Variants in LRRD1 observed in about 807,000 individuals in gnomAD.
LRRD1 encodes leucine-rich repeat and death domain-containing protein 1.
Under a neutral mutation model 69.5 loss-of-function variants are expected in LRRD1, and 49 were observed. That is an observed-to-expected ratio of 0.70 (90% CI 0.56 to 0.89). The LOEUF (loss-of-function observed/expected upper bound fraction) is 0.89, where lower values mean the gene tolerates loss of function less well. Ranked by LOEUF, LRRD1 falls within the 40% of genes least tolerant of loss-of-function variation. The pLI, the probability that LRRD1 is intolerant of heterozygous loss-of-function variation, is 0.00. For missense variants in LRRD1, 853 were observed against 956.0 expected, an observed-to-expected ratio of 0.89 and a Z score of 1.42; for synonymous variants, 303 against 338.9, an observed-to-expected ratio of 0.89 and a Z score of 1.16.
At chr7:92,174,742 CTT>C (rs1382551557) in intron 1 of LRRD1, among the ~76,000 whole-genome samples, 2 of 150,194 alleles carry the variant, frequency 1.3e-5, no homozygotes, top group East Asian at 2.0e-4. Flanking sequence ...TTTAATAAAA[CTT>C]TAAGTTTTGA....
chr7:92,145,975 G>A, intron 5 of LRRD1, 108 bp downstream of exon 5: 1 of 589,216 alleles, frequency 1.7e-6, no homozygotes, highest in Non-Finnish European at 2.8e-6. Flanking sequence ...GCTTTCTACA[G>A]CAAAGTAGAG....
chr7:92,146,258 T>C (rs1036676467), intron 4 of LRRD1, 58 bp from the exon 5 acceptor site: 9 of 828,378 alleles, frequency 1.1e-5, no homozygotes, highest in Non-Finnish European at 1.7e-5. Flanking sequence ...CTATTTTGAG[T>C]TCATATTATA....
At chr7:92,177,492 C>T (rs935229129) in intron 1 of LRRD1, among the ~76,000 whole-genome samples, 14 of 152,152 alleles carry the variant, frequency 9.2e-5, no homozygotes, top group African/African-American at 3.4e-4. Flanking sequence ...GGAAATTCTA[C>T]ACATAATGCC....
At chr7:92,142,763 G>C (rs1179131926), downstream of LRRD1, 1 of 443,280 alleles carries the variant, frequency 2.3e-6, no homozygotes, top group Non-Finnish European at 4.5e-6. Context: ...AAGGCGGCGC[G>C]TCTGGAGTTG....
chr7:92,162,033 A>G (rs944935234), intron 2 of LRRD1, among the ~76,000 whole-genome samples: 2 of 152,176 alleles, frequency 1.3e-5, no homozygotes, highest in African/African-American at 2.4e-5. Flanking sequence ...AAAATGAATG[A>G]GATGGTTATG....
downstream of LRRD1, chr7:92,142,189 G>A (rs373644032): frequency 2.2e-4 from 56 of 258,826 alleles, 3 homozygotes; most frequent in South Asian, 2.1e-3. Context: ...TGATCTGCCC[G>A]TCTCAGCCTC....
chr7:92,169,824 T>A (rs1188670457), intron 1 of LRRD1, among the ~76,000 whole-genome samples: 2 of 151,722 alleles, frequency 1.3e-5, no homozygotes, highest in African/African-American at 4.8e-5. Context: ...ATCCCAGCAC[T>A]TTTGGGAGGT....
Position 92,175,540 on chromosome 7 carries a change from C to T in LRRD1, c.-75+3467G>A, listed in dbSNP as rs189041678. Among the ~76,000 whole-genome samples, 10 of 152,112 alleles carry T rather than the reference C, an allele frequency of 6.6e-5. No homozygotes were observed. The East Asian group carries it at 9.7e-4, about 15-fold the overall frequency. Reference sequence around the variant, plus strand: ...GCGCACGGCTGTAATCCCAGCTACTCGGGAGGCTGAGGCAGGAGAATCGCC... The same window carrying T: ...GCGCACGGCTGTAATCCCAGCTACTTGGGAGGCTGAGGCAGGAGAATCGCC... On this transcript the variant is annotated intron_variant, in intron 1 of 5. Coordinates refer to ENST00000458448, the MANE Select transcript of LRRD1 (RefSeq NM_001161528.2).
chr7:92,154,933 T>A (rs1377498841), intron 3 of LRRD1, among the ~76,000 whole-genome samples: 1 of 152,220 alleles, frequency 6.6e-6, no homozygotes, highest in Admixed American at 6.5e-5. Flanking sequence ...ACAAATTTAA[T>A]GCCTTTTCCT....
chr7:92,177,946 T>G (rs1327731826), intron 1 of LRRD1, among the ~76,000 whole-genome samples: 2 of 152,222 alleles, frequency 1.3e-5, no homozygotes, highest in Non-Finnish European at 2.9e-5. Flanking sequence ...TGAAATAAAA[T>G]ATTATTTGAA....
At chr7:92,171,490 T>A (rs1475934045) in intron 1 of LRRD1, among the ~76,000 whole-genome samples, 1 of 152,046 alleles carries the variant, frequency 6.6e-6, no homozygotes, top group Non-Finnish European at 1.5e-5. Flanking sequence ...AATAGAACAC[T>A]TCAACAAACC....
chr7:92,157,669 A>G (rs1398729925), intron 3 of LRRD1, among the ~76,000 whole-genome samples: 2 of 151,786 alleles, frequency 1.3e-5, no homozygotes, highest in Non-Finnish European at 2.9e-5. Flanking sequence ...TCCTGGGTCT[A>G]AGCGATTCTC....
In LRRD1 at chr7:92,145,047, G is replaced by C; in HGVS notation, c.2424C>G (p.His808Gln). The change falls in exon 6 of 6, where the codon CAC becomes CAG. Residue 808 changes from histidine to glutamine, a missense_variant. Physicochemically the swap from His to Gln is conservative, Grantham distance 24 (BLOSUM62 0). This residue lies in a region of LRRD1 where 739 missense variants were observed against 808.0 expected (regional missense o/e 0.91). Transcript: ENST00000458448. ...GTGTTTTCCATATAACAAGTGCTTGGTGGGCTCTCTCACTTAATGAAACAG... is the reference window on the plus strand; with the variant it reads ...GTGTTTTCCATATAACAAGTGCTTGCTGGGCTCTCTCACTTAATGAAACAG... Reference protein sequence around the residue: ...KSTVSLSERAHQALVIWKTQS... With the variant: ...KSTVSLSERAQQALVIWKTQS... 6.7e-7 allele frequency: 1 copy of C among 1,502,996 alleles called. No homozygotes were observed. The highest frequency in any genetic ancestry group is 8.9e-7 in the Non-Finnish European group (1 of 1,119,128). The allele number at this position is 1,502,996 out of a possible 1,614,324, so 93.1% of individuals were successfully genotyped here.
At chr7:92,158,123 T>C (rs1239116846) in intron 3 of LRRD1, among the ~76,000 whole-genome samples, 1 of 152,154 alleles carries the variant, frequency 6.6e-6, no homozygotes, top group Non-Finnish European at 1.5e-5. Flanking sequence ...TCCCACATTA[T>C]ACCAAGGTTG....
At chr7:92,162,061 A>G (rs1002949328) in intron 2 of LRRD1, among the ~76,000 whole-genome samples, 1 of 152,242 alleles carries the variant, frequency 6.6e-6, no homozygotes, top group African/African-American at 2.4e-5. Context: ...CAATGAATTA[A>G]CTGATTATTA....
intron 1 of LRRD1, among the ~76,000 whole-genome samples, chr7:92,175,276 T>C (rs1789167339): frequency 6.6e-6 from 1 of 152,142 alleles, no homozygotes; most frequent in Admixed American, 6.6e-5. Flanking sequence ...CCTTAAGAAA[T>C]TCTTCTACAT....
chr7:92,142,430 T>C (rs1220743946), downstream of LRRD1: 3 of 456,692 alleles, frequency 6.6e-6, no homozygotes, highest in Admixed American at 4.7e-5. Context: ...ACACTGTGCA[T>C]GATATACCAA....
intron 1 of LRRD1, among the ~76,000 whole-genome samples, chr7:92,178,469 G>C (rs1290126473): frequency 6.6e-6 from 1 of 151,986 alleles, no homozygotes; most frequent in Non-Finnish European, 1.5e-5. Context: ...TCAGGAGTTC[G>C]AGACCAGCCT....
At chr7:92,148,975 G>C (rs1018392160) in intron 4 of LRRD1, among the ~76,000 whole-genome samples, 1 of 152,096 alleles carries the variant, frequency 6.6e-6, no homozygotes, top group African/African-American at 2.4e-5. Flanking sequence ...TCTTGAACTC[G>C]TGACCTCGTG....
Sources: gnomAD v4.1 joint callset for allele counts (sites outside exome capture counted in the v4.1 genomes callset) on GRCh38, gnomAD v4.1.1 for gene constraint, gnomAD v4.1.1 regional missense constraint, MANE v1.5 for transcripts, NCBI Gene and HGNC (gene_info 2026-07-23, HGNC 2026-07-21) for gene names.